LAMA3: variants seen among roughly 807,000 people sequenced by gnomAD.
LAMA3 encodes laminin subunit alpha 3, also known as laminin subunit alpha-3.
In LAMA3, 281 loss-of-function variants were observed where a neutral mutation model predicts 402.0. The ratio of observed to expected loss-of-function variants is 0.70; its 90% CI spans 0.63 to 0.77. The LOEUF (loss-of-function observed/expected upper bound fraction) is 0.77, where lower values mean the gene tolerates loss of function less well. Among genes scored for constraint, LAMA3 ranks in the 30% least tolerant of loss-of-function variants. LAMA3 has a pLI of 0.00. For synonymous variants in LAMA3, 1,431 were observed against 1,558.4 expected (o/e 0.92, Z 1.93); for missense variants, 3,840 against 4,215.5 (o/e 0.91, Z 2.47).
At chr18:23,752,861 T>C (rs1260761293) in intron 5 of LAMA3, among the ~76,000 whole-genome samples, 1 of 152,226 alleles carries the variant, frequency 6.6e-6, no homozygotes, top group African/African-American at 2.4e-5. Context: ...TCCTTGCGAA[T>C]TCAAAGACTT....
At chr18:23,780,913 T>C (rs2062424507) in intron 11 of LAMA3, among the ~76,000 whole-genome samples, 3 of 152,166 alleles carry the variant, frequency 2.0e-5, no homozygotes, top group South Asian at 4.1e-4. Flanking sequence ...GAAATATCAC[T>C]CTTGACACCA....
intron 42 of LAMA3, 114 bp downstream of exon 42, chr18:23,890,231 A>G: frequency 1.3e-6 from 1 of 753,858 alleles, no homozygotes. Context: ...CCAGCCAGCA[A>G]GCTGTCCCCA....
At chr18:23,922,253 T>C (rs1046847072) in intron 62 of LAMA3, among the ~76,000 whole-genome samples, 1 of 152,208 alleles carries the variant, frequency 6.6e-6, no homozygotes, top group Non-Finnish European at 1.5e-5. Flanking sequence ...ACAGAACATA[T>C]CCTGGAAGGA....
At chr18:23,936,696 A>G (rs1310643305) in intron 67 of LAMA3, among the ~76,000 whole-genome samples, 1 of 152,174 alleles carries the variant, frequency 6.6e-6, no homozygotes, top group Non-Finnish European at 1.5e-5. Context: ...TGTGTTGGAC[A>G]GTGTAGTGAG....
intron 8 of LAMA3, among the ~76,000 whole-genome samples, chr18:23,765,742 A>T (rs2062062965): frequency 6.6e-6 from 1 of 151,954 alleles, no homozygotes; most frequent in South Asian, 2.1e-4. Flanking sequence ...AAAGATAATA[A>T]ATATCAGTAG....
intron 2 of LAMA3, among the ~76,000 whole-genome samples, chr18:23,714,433 T>C (rs2145914019): frequency 6.6e-6 from 1 of 152,144 alleles, no homozygotes; most frequent in African/African-American, 2.4e-5. Flanking sequence ...GGCAGGAGAA[T>C]TGCTTGAACC....
chr18:23,799,354 A>G (rs927983109), intron 12 of LAMA3, among the ~76,000 whole-genome samples: 1 of 152,230 alleles, frequency 6.6e-6, no homozygotes, highest in Non-Finnish European at 1.5e-5. Flanking sequence ...AGAGTGAGAA[A>G]AGGGCTGCCA....
At position 23,816,681 on chromosome 18, in the gene LAMA3, G is replaced by A. The variant is rs1209258931; in HGVS notation, c.2147+194G>A. Among the ~76,000 whole-genome samples, 2 of 152,152 alleles carry A rather than the reference G, an allele frequency of 1.3e-5. 1 individual carries two copies. Among genetic ancestry groups the A allele is most frequent in the East Asian group, 3.8e-4 (2 of 5,198 alleles). On this transcript the variant is annotated intron_variant, in intron 18 of 74. Transcript: ENST00000313654. ...AACAGGAGATTACTTTGCCCATAAAGCCTGTTCTACTGTGTAGACCATGAA... is the reference window on the plus strand; with the variant it reads ...AACAGGAGATTACTTTGCCCATAAAACCTGTTCTACTGTGTAGACCATGAA...
intron 23 of LAMA3, among the ~76,000 whole-genome samples, chr18:23,831,440 T>G (rs9304392): frequency 0.65 from 98,132 of 151,584 alleles, 32,178 homozygotes; most frequent in Middle Eastern, 0.79. Flanking sequence ...TGCAAGCCGT[T>G]CCCTCTACCC....
intron 23 of LAMA3, among the ~76,000 whole-genome samples, chr18:23,827,891 T>C (rs1396342664): frequency 2.6e-5 from 4 of 152,188 alleles, no homozygotes; most frequent in Non-Finnish European, 5.9e-5. Context: ...AAGCAATTTG[T>C]AGCAGCTGAA....
At chr18:23,731,790 T>C (rs1417145943) in intron 2 of LAMA3, among the ~76,000 whole-genome samples, 5 of 151,808 alleles carry the variant, frequency 3.3e-5, no homozygotes, top group African/African-American at 4.8e-5. Context: ...GGGGAAAGGG[T>C]TGGGAAACTA....
rs1240837412 is a variant in LAMA3 at position 23,951,009 on chromosome 18, T to C, written c.9643-675T>C. Among the ~76,000 whole-genome samples the C allele has an allele frequency of 2.0e-5, 3 of 152,216 alleles. No homozygotes were observed. The East Asian group carries it at 5.8e-4, about 29-fold the overall frequency. ...GCAGTGACATTGTTTAGCTCAAAAATTGCCTGTGAATAGGCTGTCCCATCT... is the reference window on the plus strand; with the variant it reads ...GCAGTGACATTGTTTAGCTCAAAAACTGCCTGTGAATAGGCTGTCCCATCT... On this transcript the variant is annotated intron_variant, in intron 72 of 74. Coordinates refer to ENST00000313654, the MANE Select transcript of LAMA3 (RefSeq NM_198129.4).
At chr18:23,861,922 C>A in intron 35 of LAMA3, 115 bp downstream of exon 35, 1 of 1,187,140 alleles carries the variant, frequency 8.4e-7, no homozygotes, top group South Asian at 1.5e-5. Flanking sequence ...TACTAACGTT[C>A]CAGAAATGAG....
intron 32 of LAMA3, among the ~76,000 whole-genome samples, chr18:23,855,950 G>A (rs780261389): frequency 3.3e-5 from 5 of 152,172 alleles, no homozygotes; most frequent in Non-Finnish European, 7.3e-5. Context: ...GAAAGGCACC[G>A]TCTCCTCCCC....
intron 59 of LAMA3, among the ~76,000 whole-genome samples, chr18:23,915,731 T>A (rs2081588006): frequency 1.3e-5 from 2 of 151,908 alleles, no homozygotes; most frequent in Admixed American, 1.3e-4. Flanking sequence ...AGAGGCCTGA[T>A]TTAGTGGCTC....
At chr18:23,828,492 T>C (rs945148128) in intron 23 of LAMA3, among the ~76,000 whole-genome samples, 3 of 152,186 alleles carry the variant, frequency 2.0e-5, no homozygotes, top group Non-Finnish European at 4.4e-5. Flanking sequence ...TATGTGTGTA[T>C]ACACACATAC....
At position 23,918,260 on chromosome 18, in the gene LAMA3, G is replaced by A. The variant is rs1281986328; in HGVS notation, c.7923+1565G>A. Among the ~76,000 whole-genome samples, 1 of 152,100 alleles carries A rather than the reference G, an allele frequency of 6.6e-6. No homozygotes were observed. The highest frequency in any genetic ancestry group is 1.5e-5 in the Non-Finnish European group (1 of 68,000). ...GTTCCATTGATGTCTATTTTAATGAGGGCAAATAATCAGGAATTTGAGAAC... is the reference window on the plus strand; with the variant it reads ...GTTCCATTGATGTCTATTTTAATGAAGGCAAATAATCAGGAATTTGAGAAC... On this transcript the variant is annotated intron_variant, in intron 60 of 74. Transcript: ENST00000313654. This position sits in a 1 kb window ranked among gnomAD's most constrained non-coding sequence, Gnocchi z 4.1.
chr18:23,763,948 A>G (rs762581267), intron 8 of LAMA3, among the ~76,000 whole-genome samples: 15 of 152,248 alleles, frequency 9.9e-5, no homozygotes, highest in African/African-American at 2.2e-4. Flanking sequence ...GATGTCTTTC[A>G]TAGACATCAA....
intron 38 of LAMA3, among the ~76,000 whole-genome samples, chr18:23,873,706 C>A (rs567128811): frequency 2.0e-5 from 3 of 152,330 alleles, no homozygotes; most frequent in African/African-American, 4.8e-5. Context: ...TCTCTTTAAA[C>A]TTCCTGGATG....
Sources: allele counts gnomAD v4.1 joint callset (sites outside exome capture counted in the v4.1 genomes callset), GRCh38; gene constraint gnomAD v4.1.1; non-coding constraint Gnocchi (gnomAD v3.1); transcripts MANE v1.5; gene names NCBI Gene and HGNC (gene_info 2026-07-23, HGNC 2026-07-21).